The following PDSS2 variants were observed in gnomAD, a reference collection of about 807,000 sequenced individuals.
The protein encoded by PDSS2 is decaprenyl diphosphate synthase subunit 2.
PDSS2 carries 31 observed loss-of-function variants against 44.5 expected under a neutral mutation model. The observed-to-expected ratio is 0.70, with a 90% confidence interval of 0.52 to 0.94. The LOEUF (loss-of-function observed/expected upper bound fraction) is 0.94. PDSS2 is among the 40% of genes least tolerant of loss of function. PDSS2 has a pLI of 0.00. For synonymous variants in PDSS2, 157 were observed against 180.3 expected (o/e 0.87, Z 1.03); for missense variants, 452 against 482.2 (o/e 0.94, Z 0.59).
intron 3 of PDSS2, among the ~76,000 whole-genome samples, chr6:107,266,385 C>CT (rs1343596520): frequency 1.4e-5 from 2 of 139,934 alleles, no homozygotes; most frequent in African/African-American, 2.8e-5. Flanking sequence ...ACCCCTGAGG[C>CT]ATTTTTTTTT....
At chr6:107,181,237 T>G (rs894358297) in intron 7 of PDSS2, among the ~76,000 whole-genome samples, 3 of 152,168 alleles carry the variant, frequency 2.0e-5, no homozygotes, top group African/African-American at 7.2e-5. Flanking sequence ...ATTAAATTAG[T>G]ATCAGTAGTA....
intron 1 of PDSS2, among the ~76,000 whole-genome samples, chr6:107,425,962 A>G (rs1249457652): frequency 5.9e-5 from 8 of 134,922 alleles, no homozygotes; most frequent in East Asian, 2.7e-4. Context: ...CTTCGTCTCG[A>G]AAAAAAAAAA....
At chr6:107,208,315 T>TTA (rs1418899584) in intron 6 of PDSS2, among the ~76,000 whole-genome samples, 1 of 111,374 alleles carries the variant, frequency 9.0e-6, no homozygotes, top group Non-Finnish European at 1.8e-5. Flanking sequence ...TTTTTTTTTT[T>TTA]AAAGACAGTC....
chr6:107,214,343 G>A (rs1467171711), intron 4 of PDSS2, among the ~76,000 whole-genome samples: 7 of 151,978 alleles, frequency 4.6e-5, no homozygotes, highest in East Asian at 1.9e-4. Flanking sequence ...CGCCCGCCTC[G>A]GCCTCCCAAA....
At chr6:107,375,101 C>A (rs925553471) in intron 1 of PDSS2, among the ~76,000 whole-genome samples, 1 of 151,336 alleles carries the variant, frequency 6.6e-6, no homozygotes, top group South Asian at 2.1e-4. Context: ...TTCAGGAATG[C>A]AGAAATTTAT....
At chr6:107,218,388 C>G (rs1363130462) in intron 4 of PDSS2, among the ~76,000 whole-genome samples, 1 of 152,160 alleles carries the variant, frequency 6.6e-6, no homozygotes, top group Non-Finnish European at 1.5e-5. Flanking sequence ...CAGATACACT[C>G]TCTAGACGTT....
In PDSS2 at chr6:107,154,730, G is replaced by A. The variant is rs1445917147; in HGVS notation, c.1089C>T (p.Asp363=). The A allele has an allele frequency of 4.3e-6, 7 of 1,614,114 alleles. No individual in the cohort carries two copies. The highest frequency in any genetic ancestry group is 5.1e-6 in the Non-Finnish European group (6 of 1,179,976). ...KAGKGVTSAI[D]LCRYHGNKAL... ...CCTTGTTTCCATGGTAACGACACAGGTCAATAGCTGAAGTCACACCTTTGC... is the reference window on the plus strand; with the variant it reads ...CCTTGTTTCCATGGTAACGACACAGATCAATAGCTGAAGTCACACCTTTGC... Residue 363 remains aspartate (D), a synonymous_variant, in exon 8 of 8, where the codon GAC becomes GAT. Transcript: ENST00000369037.
At chr6:107,188,081 T>C (rs1159108375) in intron 7 of PDSS2, among the ~76,000 whole-genome samples, 2 of 152,084 alleles carry the variant, frequency 1.3e-5, no homozygotes, top group African/African-American at 4.8e-5. Flanking sequence ...TCCAATATAT[T>C]AACATCAAAT....
intron 3 of PDSS2, among the ~76,000 whole-genome samples, chr6:107,256,162 C>T (rs1291050933): frequency 6.6e-6 from 1 of 151,870 alleles, no homozygotes; most frequent in African/African-American, 2.4e-5. Context: ...GGCTAATTTT[C>T]GTATTTTTAG....
intron 4 of PDSS2, among the ~76,000 whole-genome samples, chr6:107,239,939 G>T (rs1243391862): frequency 6.6e-6 from 1 of 151,978 alleles, no homozygotes; most frequent in Non-Finnish European, 1.5e-5. Flanking sequence ...ACCGTGCCTG[G>T]CCTATTTTTC....
chr6:107,297,123 C>T lies in PDSS2; in HGVS notation c.432-22896G>A, dbSNP rs200565521. 1.1e-4 allele frequency among the ~76,000 whole-genome samples: 17 copies of T among 152,228 alleles called. No individual in the cohort carries two copies. The East Asian group carries it at 3.3e-3, about 29-fold the overall frequency. The stretch of plus-strand genomic sequence containing the variant: ...CAGGGGCCTCTCACATGGGCATAGA[C>T]AAAGGAATACACCCCATCCTAACCA... On this transcript the variant is annotated intron_variant, in intron 2 of 7. Transcript: ENST00000369037.
chr6:107,212,378 C>A (rs1051792388), intron 4 of PDSS2, 96 bp from the exon 5 acceptor site: 3 of 921,912 alleles, frequency 3.3e-6, no homozygotes, highest in East Asian at 2.6e-5. Context: ...ACGAACTATT[C>A]AAAAACACTC....
At chr6:107,205,060 A>G (rs1261643156) in intron 6 of PDSS2, among the ~76,000 whole-genome samples, 1 of 152,180 alleles carries the variant, frequency 6.6e-6, no homozygotes, top group African/African-American at 2.4e-5. Context: ...AGAGTATCAC[A>G]TGTGTTATTA....
At chr6:107,161,684 G>A (rs72937769) in intron 7 of PDSS2, among the ~76,000 whole-genome samples, 19,210 of 152,098 alleles carry the variant, frequency 0.13, 1,413 homozygotes, top group South Asian at 0.26. Context: ...TAAAGGCAGA[G>A]TTGCAGAGTT....
At chr6:107,325,934 T>C (rs2115193105) in intron 2 of PDSS2, among the ~76,000 whole-genome samples, 1 of 152,312 alleles carries the variant, frequency 6.6e-6, no homozygotes, top group South Asian at 2.1e-4. Context: ...GTGTCAAGTT[T>C]TGGAACTTTT....
intron 7 of PDSS2, among the ~76,000 whole-genome samples, chr6:107,187,849 G>A (rs191413628): frequency 1.2e-3 from 188 of 152,276 alleles, no homozygotes; most frequent in African/African-American, 4.2e-3. Flanking sequence ...CAAGGCCACC[G>A]AAGCACCTGC....
chr6:107,230,427 G>A (rs1774003907), intron 4 of PDSS2, among the ~76,000 whole-genome samples: 2 of 152,062 alleles, frequency 1.3e-5, no homozygotes, highest in African/African-American at 4.8e-5. Flanking sequence ...TCTCACGCTT[G>A]GCCTAGACCA....
At position 107,313,695 on chromosome 6, in the gene PDSS2, T is replaced by A. The variant is rs1393122043; in HGVS notation, c.431+20503A>T. On this transcript the variant is annotated intron_variant, in intron 2 of 7. Transcript: ENST00000369037. ...ATATGAAGCAGGGCCCAATTTAATC[T>A]TTAATTTACATTTCTTCCAGCCTAA... Among the ~76,000 whole-genome samples the A allele has an allele frequency of 2.0e-5, 3 of 152,202 alleles. No homozygotes were observed. In the East Asian group the frequency reaches 5.8e-4, roughly 29 times the overall value.
Position 107,208,839 on chromosome 6 carries a change from G to T in PDSS2, c.1008+1600C>A, listed in dbSNP as rs189945902. ...GCCTCCCAAAGTGTTGGGATTACAG[G>T]TGTGAGCCACTGTGCCCAGCCTGGC... On this transcript the variant is annotated intron_variant, in intron 6 of 7. Coordinates refer to ENST00000369037, the MANE Select transcript of PDSS2 (RefSeq NM_020381.4). Among the ~76,000 whole-genome samples, 263 of 151,980 alleles carry T rather than the reference G, an allele frequency of 1.7e-3. 1 individual carries two copies. Among genetic ancestry groups the T allele is most frequent in the African/African-American group, 6.0e-3 (247 of 41,438 alleles).
Sources: allele counts gnomAD v4.1 joint callset (sites outside exome capture counted in the v4.1 genomes callset), GRCh38; gene constraint gnomAD v4.1.1; transcripts MANE v1.5; gene names NCBI Gene and HGNC (gene_info 2026-07-23, HGNC 2026-07-21).